Variants in PTPRD observed in about 807,000 individuals in gnomAD.
PTPRD encodes the protein receptor-type tyrosine-protein phosphatase delta.
In PTPRD, 34 loss-of-function variants were observed where a neutral mutation model predicts 214.5. That is an observed-to-expected ratio of 0.16 (90% CI 0.12 to 0.21). The LOEUF (loss-of-function observed/expected upper bound fraction) is 0.21. Ranked by LOEUF, PTPRD falls within the 10% of genes least tolerant of loss-of-function variation. The pLI is 1.00. For synonymous variants in PTPRD, 1,128 were observed against 845.7 expected, an observed-to-expected ratio of 1.33 and a Z score of -5.79; for missense variants, 2,545 against 2,398.7, an observed-to-expected ratio of 1.06 and a Z score of -1.27.
At chr9:9,472,405 T>G (rs1041057667) in intron 8 of PTPRD, among the ~76,000 whole-genome samples, 4 of 151,542 alleles carry the variant, frequency 2.6e-5, no homozygotes, top group African/African-American at 7.3e-5. Flanking sequence ...GGGTTTCACC[T>G]TGTTAGCCAG....
intron 35 of PTPRD, among the ~76,000 whole-genome samples, chr9:8,426,246 G>A (rs1164185259): frequency 1.3e-5 from 2 of 152,106 alleles, no homozygotes; most frequent in Non-Finnish European, 2.9e-5. Context: ...TCTTAAATAA[G>A]AGAACCAAGG....
intron 4 of PTPRD, among the ~76,000 whole-genome samples, chr9:9,963,660 TGTAACA>T (rs1188249539): frequency 2.0e-5 from 3 of 152,142 alleles, no homozygotes; most frequent in African/African-American, 7.2e-5. Flanking sequence ...TGTTTAATCA[TGTAACA>T]GAGCCTTTCC....
intron 4 of PTPRD, among the ~76,000 whole-genome samples, chr9:9,953,359 G>A (rs896695787): frequency 7.1e-4 from 108 of 152,136 alleles, no homozygotes; most frequent in African/African-American, 2.4e-3. Context: ...TGGGTACAGT[G>A]TACACCATTC....
intron 34 of PTPRD, among the ~76,000 whole-genome samples, chr9:8,439,274 C>A (rs573401782): frequency 6.6e-6 from 1 of 152,124 alleles, no homozygotes; most frequent in Non-Finnish European, 1.5e-5. Context: ...TTTTGTGAAG[C>A]GCCTTGATTT....
intron 10 of PTPRD, among the ~76,000 whole-genome samples, chr9:9,044,406 C>A (rs2154385867): frequency 6.6e-6 from 1 of 152,352 alleles, no homozygotes; most frequent in African/African-American, 2.4e-5. Context: ...GCTGCTTGGG[C>A]AGGTCCTACT....
chr9:9,697,582 T>C (rs949696792), intron 7 of PTPRD, among the ~76,000 whole-genome samples: 1 of 152,154 alleles, frequency 6.6e-6, no homozygotes, highest in Admixed American at 6.6e-5. Flanking sequence ...ATATGTTTTT[T>C]GCTTCTTTTC....
intron 11 of PTPRD, among the ~76,000 whole-genome samples, chr9:8,838,179 AG>A (rs1209614255): frequency 6.6e-6 from 1 of 152,150 alleles, no homozygotes; most frequent in African/African-American, 2.4e-5. Context: ...AATTAAGAAG[AG>A]CAAGCAAACC....
intron 10 of PTPRD, among the ~76,000 whole-genome samples, chr9:9,113,224 T>C (rs984863062): frequency 2.6e-5 from 4 of 152,052 alleles, no homozygotes; most frequent in Admixed American, 2.6e-4. Context: ...ATCCTTCTGC[T>C]TCAGCCCCCC....
At chr9:9,202,950 C>T (rs75497462) in intron 9 of PTPRD, among the ~76,000 whole-genome samples, 2,070 of 152,300 alleles carry the variant, frequency 0.014, 27 homozygotes, top group Middle Eastern at 0.041. Context: ...CTCATGCACT[C>T]CTAATACATC....
intron 3 of PTPRD, among the ~76,000 whole-genome samples, chr9:10,150,045 T>A (rs1177886873): frequency 6.6e-6 from 1 of 152,148 alleles, no homozygotes; most frequent in Non-Finnish European, 1.5e-5. Context: ...ATTATTTTTA[T>A]AATTAAAAAT....
At chr9:8,530,452 TCAAA>T (rs2075395689) in intron 14 of PTPRD, among the ~76,000 whole-genome samples, 1 of 152,080 alleles carries the variant, frequency 6.6e-6, no homozygotes, top group African/African-American at 2.4e-5. Context: ...CCAAATTCTC[TCAAA>T]CATATTTCAT....
At chr9:9,150,285 A>G (rs1296814923) in intron 10 of PTPRD, among the ~76,000 whole-genome samples, 3 of 152,068 alleles carry the variant, frequency 2.0e-5, no homozygotes, top group Non-Finnish European at 4.4e-5. Context: ...AAGTCTCAAT[A>G]TAAATGCAGC....
chr9:9,951,654 A>T (rs1334039717), intron 4 of PTPRD, among the ~76,000 whole-genome samples: 1 of 152,246 alleles, frequency 6.6e-6, no homozygotes. Flanking sequence ...CGTTCTCCTC[A>T]ACATTCCTTC....
rs10959165 is a variant in PTPRD at position 10,550,535 on chromosome 9, G to C, written c.-600+61863C>G. 1.9e-4 allele frequency among the ~76,000 whole-genome samples: 29 copies of C among 152,276 alleles called. No individual in the cohort carries two copies. The East Asian group carries it at 4.6e-3, about 24-fold the overall frequency. On this transcript the variant is annotated intron_variant, in intron 2 of 45. Transcript: ENST00000381196. Reference sequence around the variant, plus strand: ...AATCTTTTTGGAGACCCTCTGAGGAGTCCTGTAGAACCTACCTCAGAATTA... The same window carrying C: ...AATCTTTTTGGAGACCCTCTGAGGACTCCTGTAGAACCTACCTCAGAATTA...
chr9:8,587,955 T>C (rs938644251), intron 14 of PTPRD, among the ~76,000 whole-genome samples: 1 of 152,242 alleles, frequency 6.6e-6, no homozygotes, highest in Non-Finnish European at 1.5e-5. Context: ...AATAGCTCTG[T>C]GCATCTCAGG....
chr9:10,438,138 G>C (rs1452367366), intron 2 of PTPRD, among the ~76,000 whole-genome samples: 1 of 150,626 alleles, frequency 6.6e-6, no homozygotes, highest in Non-Finnish European at 1.5e-5. Context: ...TTCAGCACAG[G>C]TGGTCCATTT....
At chr9:9,881,921 G>C (rs1029958082) in intron 5 of PTPRD, among the ~76,000 whole-genome samples, 1 of 151,970 alleles carries the variant, frequency 6.6e-6, no homozygotes, top group Non-Finnish European at 1.5e-5. Flanking sequence ...AAGACCATAG[G>C]GGCAGAGTCA....
chr9:9,604,898 T>G (rs2094042436), intron 7 of PTPRD, among the ~76,000 whole-genome samples: 1 of 152,012 alleles, frequency 6.6e-6, no homozygotes, highest in African/African-American at 2.4e-5. Flanking sequence ...AGAGGTATAT[T>G]ATGACCACTT....
intron 3 of PTPRD, among the ~76,000 whole-genome samples, chr9:10,233,151 G>A (rs1479371242): frequency 6.6e-6 from 1 of 151,974 alleles, no homozygotes; most frequent in African/African-American, 2.4e-5. Context: ...AAAATAAATA[G>A]TGTGGCTACT....
Sources: allele counts gnomAD v4.1 joint callset (sites outside exome capture counted in the v4.1 genomes callset), GRCh38; gene constraint gnomAD v4.1.1; transcripts MANE v1.5; gene names NCBI Gene and HGNC (gene_info 2026-07-23, HGNC 2026-07-21).